UBE2E1: variants seen among roughly 807,000 people sequenced by gnomAD.
UBE2E1 encodes ubiquitin-conjugating enzyme E2 E1.
A neutral mutation model predicts 21.4 loss-of-function variants in UBE2E1; 6 were observed. The ratio of observed to expected loss-of-function variants is 0.28; its 90% confidence interval spans 0.15 to 0.55. The LOEUF is 0.55. Ranked by LOEUF, UBE2E1 falls within the 20% of genes least tolerant of loss-of-function variation. The pLI, the probability that UBE2E1 is intolerant of heterozygous loss-of-function variation, is 0.93. For missense variants in UBE2E1, 142 were observed against 236.5 expected (o/e 0.60, Z 2.62); for synonymous variants, 87 against 82.7 (o/e 1.05, Z -0.28).
At chr3:23,846,512 A>G (rs973439405) in intron 3 of UBE2E1, among the ~76,000 whole-genome samples, 4 of 152,136 alleles carry the variant, frequency 2.6e-5, no homozygotes, top group Non-Finnish European at 5.9e-5. Context: ...GCTGGCCAAC[A>G]TGGTGAAACC....
intron 3 of UBE2E1, among the ~76,000 whole-genome samples, chr3:23,883,904 C>CAAAAAAAA (rs35520751): frequency 2.3e-5 from 2 of 87,250 alleles, no homozygotes; most frequent in African/African-American, 4.1e-5. Context: ...TGACAGATCT[C>CAAAAAAAA]AAAAAAAAAA....
chr3:23,882,192 CAT>C (rs1367699603), intron 3 of UBE2E1, among the ~76,000 whole-genome samples: 11 of 152,200 alleles, frequency 7.2e-5, no homozygotes, highest in Admixed American at 5.2e-4. Flanking sequence ...GCCCCACCCA[CAT>C]GTTACTGATT....
intron 3 of UBE2E1, among the ~76,000 whole-genome samples, chr3:23,857,565 G>A (rs1040024635): frequency 6.6e-6 from 1 of 152,146 alleles, no homozygotes; most frequent in African/African-American, 2.4e-5. Context: ...GTCGAGTCAC[G>A]TTACACTGAA....
chr3:23,883,904 CAAAAAAA>C (rs35520751), intron 3 of UBE2E1, among the ~76,000 whole-genome samples: 8 of 87,244 alleles, frequency 9.2e-5, no homozygotes, highest in South Asian at 3.9e-4. Flanking sequence ...TGACAGATCT[CAAAAAAA>C]AAAAAAAAAA....
chr3:23,835,023 A>G (rs1270625080), intron 3 of UBE2E1, among the ~76,000 whole-genome samples: 1 of 152,226 alleles, frequency 6.6e-6, no homozygotes, highest in Admixed American at 6.5e-5. Context: ...TAGAAAAAAA[A>G]ATACGGGACT....
At chr3:23,874,867 A>G (rs1315985697) in intron 3 of UBE2E1, among the ~76,000 whole-genome samples, 1 of 152,126 alleles carries the variant, frequency 6.6e-6, no homozygotes. Flanking sequence ...GGCACTTGGC[A>G]TTGAACTAGT....
rs944203302 is a variant in UBE2E1 at position 23,836,130 on chromosome 3, G to T, written c.203+24620G>T. Among the ~76,000 whole-genome samples the T allele has an allele frequency of 6.6e-6, 1 of 152,182 alleles. No individual in the cohort carries two copies. The highest frequency in any genetic ancestry group is 1.5e-5 in the Non-Finnish European group (1 of 68,030). On this transcript the variant is annotated intron_variant, in intron 3 of 5. Transcript: ENST00000306627. The surrounding 1 kb of genome is among the most constrained non-coding windows in gnomAD (Gnocchi z 4.1). ...AACAAGAACTGTTTAGGATATAGAT[G>T]AAATACATTGAAACAGCAAGAAGTT...
At position 23,840,681 on chromosome 3, in the gene UBE2E1, T is replaced by TG. The variant is rs75735355; in HGVS notation, c.203+29173dup. Among the ~76,000 whole-genome samples, 540 of 152,320 alleles carry TG rather than the reference T, an allele frequency of 3.5e-3. 10 individuals carry two copies. In the East Asian group the frequency reaches 0.044, roughly 12 times the overall value. The stretch of plus-strand genomic sequence containing the variant: ...TCTGGGGAGTGTTCTCTCTGTTCTC[T>TG]GGTGATTCTTTCCCTGGCATTGCGT... On this transcript the variant is annotated intron_variant, in intron 3 of 5. Transcript: ENST00000306627.
intron 3 of UBE2E1, among the ~76,000 whole-genome samples, chr3:23,840,293 G>T (rs962238430): frequency 6.6e-6 from 1 of 152,008 alleles, no homozygotes; most frequent in Non-Finnish European, 1.5e-5. Context: ...CTATTGATTG[G>T]TTTTTTACCT....
At chr3:23,865,592 A>G (rs748815165) in intron 3 of UBE2E1, among the ~76,000 whole-genome samples, 20 of 152,296 alleles carry the variant, frequency 1.3e-4, no homozygotes, top group Non-Finnish European at 2.8e-4. Flanking sequence ...GGGCTCAAGC[A>G]GTCTGCCTGC....
At chr3:23,850,837 C>CTTTTTTTTTTTTTTT (rs71057628) in intron 3 of UBE2E1, among the ~76,000 whole-genome samples, 9 of 128,452 alleles carry the variant, frequency 7.0e-5, no homozygotes, top group African/African-American at 2.6e-4. Context: ...CCACACCCAG[C>CTTTTTTTTTTTTTTT]TTTTTTTTTT....
rs1217037040 is a variant in UBE2E1, at chr3:23,842,458, C to T, written c.203+30948C>T. Among the ~76,000 whole-genome samples the T allele has an allele frequency of 6.6e-6, 1 of 151,916 alleles. No individual in the cohort carries two copies. Among genetic ancestry groups the T allele is most frequent in the Non-Finnish European group, 1.5e-5 (1 of 67,992 alleles). ...GACGGAGTCGTGCCATGTTGCCCGG[C>T]CTGTTGTTCGTTTTTCTTTGAAGAA... On this transcript the variant is annotated intron_variant, in intron 3 of 5. Transcript: ENST00000306627. This position sits in a 1 kb window ranked among gnomAD's most constrained non-coding sequence, Gnocchi z 4.6.
Position 23,859,947 on chromosome 3 carries a change from C to T in UBE2E1, c.204-27620C>T, listed in dbSNP as rs148132494. On this transcript the variant is annotated intron_variant, in intron 3 of 5. Transcript: ENST00000306627. The stretch of plus-strand genomic sequence containing the variant: ...CGTACTCTCATTGTTTCATGCCTAA[C>T]AGTCCCGACTGCTGGAGCCACTGAA... Among the ~76,000 whole-genome samples the T allele has an allele frequency of 5.7e-3, 865 of 152,312 alleles. 2 individuals carry two copies. Among genetic ancestry groups the T allele is most frequent in the Admixed American group, 9.3e-3 (142 of 15,302 alleles).
intron 3 of UBE2E1, among the ~76,000 whole-genome samples, chr3:23,867,478 A>C (rs1281462524): frequency 6.6e-6 from 1 of 152,224 alleles, no homozygotes; most frequent in Non-Finnish European, 1.5e-5. Context: ...CCCATTTCAA[A>C]TCTTCCATGT....
At chr3:23,871,693 C>T (rs796456725) in intron 3 of UBE2E1, among the ~76,000 whole-genome samples, 6 of 149,778 alleles carry the variant, frequency 4.0e-5, no homozygotes, top group East Asian at 2.0e-4. Context: ...ACCTCCCAGA[C>T]GGGGTCGCGG....
At chr3:23,880,079 T>C (rs2125325695) in intron 3 of UBE2E1, among the ~76,000 whole-genome samples, 1 of 152,128 alleles carries the variant, frequency 6.6e-6, no homozygotes, top group East Asian at 2.0e-4. Flanking sequence ...AGAGCCTGTC[T>C]CTATGAAAAA....
rs1340578543 is a variant in UBE2E1 at position 23,842,412 on chromosome 3, A to G, written c.203+30902A>G. ...AGGCACATGCCACGATTCCCAGCTA[A>G]TTTTTCTATTTTTTTGTGGAGACGG... On this transcript the variant is annotated intron_variant, in intron 3 of 5. Transcript: ENST00000306627. This position sits in a 1 kb window ranked among gnomAD's most constrained non-coding sequence, Gnocchi z 4.6. Among the ~76,000 whole-genome samples the G allele has an allele frequency of 6.6e-6, 1 of 151,912 alleles. No homozygotes were observed. Among genetic ancestry groups the G allele is most frequent in the Non-Finnish European group, 1.5e-5 (1 of 67,966 alleles).
chr3:23,845,585 CTCTCTGTGTGTGTGTG>C (rs1700182276), intron 3 of UBE2E1, among the ~76,000 whole-genome samples: 1 of 98,002 alleles, frequency 1.0e-5, no homozygotes, highest in Non-Finnish European at 2.1e-5. Flanking sequence ...CTCTCTCTCT[CTCTCTGTGTGTGTGTG>C]TGTGTGTGTG....
At chr3:23,826,189 T>C (rs34491898) in intron 3 of UBE2E1, among the ~76,000 whole-genome samples, 49,514 of 152,102 alleles carry the variant, frequency 0.33, 8,626 homozygotes, top group Middle Eastern at 0.44. Flanking sequence ...TATCTAGATA[T>C]CTGTGTATCT....
Sources: gnomAD v4.1 joint callset for allele counts (sites outside exome capture counted in the v4.1 genomes callset) on GRCh38, gnomAD v4.1.1 for gene constraint, Gnocchi (gnomAD v3.1) non-coding constraint, MANE v1.5 for transcripts, NCBI Gene and HGNC (gene_info 2026-07-23, HGNC 2026-07-21) for gene names.